Variants in CDHR4 observed in about 807,000 individuals in gnomAD.
CDHR4 encodes the protein cadherin related family member 4, also known as cadherin-related family member 4.
CDHR4 carries 89 observed loss-of-function variants against 88.4 expected under a neutral mutation model. The ratio of observed to expected loss-of-function variants is 1.01; its 90% CI spans 0.85 to 1.20. The LOEUF (loss-of-function observed/expected upper bound fraction) is 1.20, where lower values mean the gene tolerates loss of function less well. Ranked by LOEUF, CDHR4 falls within the 50% of genes most tolerant of loss-of-function variation. The pLI is 0.00. For synonymous variants in CDHR4, 368 were observed against 399.2 expected, an observed-to-expected ratio of 0.92 and a Z score of 0.93; for missense variants, 914 against 1,007.2, an observed-to-expected ratio of 0.91 and a Z score of 1.25.
chr3:49,791,757 G>T lies in CDHR4; in HGVS notation c.2240C>A (p.Pro747Gln). Residue 747 changes from proline to glutamine, a missense_variant, in exon 17 of 19, where the codon CCG (proline) becomes CAG (glutamine). Physicochemically the swap from Pro to Gln is moderately conservative, Grantham distance 76. Transcript: ENST00000412678. ...EGSIEGFLEAPKMEMSQAPSS... is the reference protein window; with the variant it reads ...EGSIEGFLEAQKMEMSQAPSS... ...GGGTGCCTGGGACATCTCCATCTTCGGTGCCTCCAGGAAACCCTCGATGGA... is the reference window on the plus strand; with the variant it reads ...GGGTGCCTGGGACATCTCCATCTTCTGTGCCTCCAGGAAACCCTCGATGGA... 1 of 1,551,646 alleles carries T rather than the reference G, an allele frequency of 6.4e-7. No individual in the cohort carries two copies. The highest frequency in any genetic ancestry group is 8.7e-7 in the Non-Finnish European group (1 of 1,146,976).
chr3:49,798,587 CA>C (rs1204316024), intron 4 of CDHR4: 81,195 of 396,438 alleles, frequency 0.2, 387 homozygotes, highest in Middle Eastern at 0.25. Flanking sequence ...GACTCCGTCT[CA>C]AAAAAAAAAA....
intron 17 of CDHR4, 31 bp downstream of exon 17, chr3:49,791,683 G>A (rs1156976163): frequency 1.9e-6 from 3 of 1,549,878 alleles, no homozygotes; most frequent in East Asian, 2.4e-5. Context: ...CACCCTTGGT[G>A]TCCACTACTT....
rs1483742642 is a variant in CDHR4 at position 49,795,893 on chromosome 3, C to T, written c.710+50G>A. On this transcript the variant is annotated intron_variant, in intron 6 of 18. Transcript: ENST00000412678. The surrounding 1 kb of genome is among the most constrained non-coding windows in gnomAD (Gnocchi z 5.4). ...CAGCAGCCTCACCCTACCTGATTCC[C>T]TGGGGCTAGGCCCTTCCTCCCTCAC... 2 of 1,515,972 alleles carry T rather than the reference C, an allele frequency of 1.3e-6. No individual in the cohort carries two copies. Among genetic ancestry groups the T allele is most frequent in the Non-Finnish European group, 1.8e-6 (2 of 1,127,622 alleles). The allele number at this position is 1,515,972 out of a possible 1,614,324, so 93.9% of individuals were successfully genotyped here. A position where few individuals can be genotyped will look rare whatever the true frequency, so the allele number is the denominator to read the frequency against.
At chr3:49,794,765 G>T in intron 9 of CDHR4, 64 bp from the exon 10 acceptor site, 1 of 1,457,234 alleles carries the variant, frequency 6.9e-7, no homozygotes, top group Non-Finnish European at 9.3e-7. Flanking sequence ...GCCACACGGG[G>T]CTGCTGTAGG....
intron 18 of CDHR4, 54 bp downstream of exon 18, chr3:49,791,387 C>T (rs549222060): frequency 6.6e-7 from 1 of 1,510,874 alleles, no homozygotes; most frequent in African/African-American, 1.4e-5. Context: ...GGAGGAGATA[C>T]TCAGATGGGG....
rs62260717 is a variant in CDHR4, at chr3:49,795,596, A to G, written c.847+32T>C. 101,377 of 1,551,026 alleles carry G rather than the reference A, an allele frequency of 0.065. 3,772 individuals are homozygous for G. The highest frequency in any genetic ancestry group is 0.076 in the Non-Finnish European group (86,754 of 1,146,674). On this transcript the variant is annotated intron_variant, in intron 7 of 18. Coordinates refer to ENST00000412678, the MANE Select transcript of CDHR4 (RefSeq NM_001007540.4). The surrounding 1 kb of genome is among the most constrained non-coding windows in gnomAD (Gnocchi z 5.4). Reference sequence around the variant, plus strand: ...TCTGGACCAGCCACAGAGGCATCCCAGTACCTGCCCCCACCCCCCAACACC... The same window carrying G: ...TCTGGACCAGCCACAGAGGCATCCCGGTACCTGCCCCCACCCCCCAACACC...
chr3:49,798,975 C>T lies in CDHR4; in HGVS notation c.403+19G>A, dbSNP rs549885601. 24 of 1,610,750 alleles carry T rather than the reference C, an allele frequency of 1.5e-5. No homozygotes were observed. Among genetic ancestry groups the T allele is most frequent in the Middle Eastern group, 1.7e-4 (1 of 6,058 alleles). On this transcript the variant is annotated intron_variant, in intron 3 of 18. Coordinates refer to ENST00000412678, the MANE Select transcript of CDHR4 (RefSeq NM_001007540.4). ...CAGGCCATGCCTGCCCCCACCCTGC[C>T]GGCTGCCCCTGGCCTCACCTGGGCT...
Position 49,796,968 on chromosome 3 carries a change from C to G in CDHR4, c.560G>C (p.Gly187Ala). Residue 187 changes from glycine (G) to alanine (A), a missense_variant, in exon 5 of 19, where the codon GGT becomes GCT. Gly to Ala is a moderately conservative substitution (Grantham distance 60, BLOSUM62 0). Transcript: ENST00000412678. ...GCCCTGGGATGGTGCCTGCAGCCAA[C>G]CTTGCTCATTGATGGAGAAAGGTCC... is the stretch of plus-strand genomic sequence containing the variant. ...FPGPFSINEQ[G>A]WLQAPSQGLL... The G allele has an allele frequency of 6.4e-7, 1 of 1,551,732 alleles. No individual in the cohort carries two copies. Among genetic ancestry groups the G allele is most frequent in the Non-Finnish European group, 8.7e-7 (1 of 1,146,996 alleles).
chr3:49,800,962 G>C (rs2081352482), upstream of CDHR4, among the ~76,000 whole-genome samples: 1 of 151,878 alleles, frequency 6.6e-6, no homozygotes, highest in Non-Finnish European at 1.5e-5. Flanking sequence ...TGAGATAGGA[G>C]GGTCACTTGA....
At chr3:49,802,297 A>C (rs1289888137), upstream of CDHR4, among the ~76,000 whole-genome samples, 2 of 151,964 alleles carry the variant, frequency 1.3e-5, no homozygotes, top group East Asian at 3.9e-4. Context: ...CCTCAGCCTC[A>C]GGAGTAGCTG....
At chr3:49,791,318 A>AAGCAG in intron 18 of CDHR4, 123 bp downstream of exon 18, 1 of 1,103,020 alleles carries the variant, frequency 9.1e-7, no homozygotes, top group Non-Finnish European at 1.3e-6. Context: ...TTCAGGAAAA[A>AAGCAG]AGCAGATAGA....
chr3:49,794,024 G>A lies in CDHR4; in HGVS notation c.1280-18C>T. On this transcript the variant is annotated intron_variant, in intron 10 of 18. Transcript: ENST00000412678. ...CACCTCAGCTGGAAGTCATTTGGCAGTCAAGGAGCTGGCCTGGGGTAACTA... is the reference window on the plus strand; with the variant it reads ...CACCTCAGCTGGAAGTCATTTGGCAATCAAGGAGCTGGCCTGGGGTAACTA... The A allele has an allele frequency of 6.5e-7, 1 of 1,550,366 alleles. No individual in the cohort carries two copies. Among genetic ancestry groups the A allele is most frequent in the Non-Finnish European group, 8.7e-7 (1 of 1,146,514 alleles).
At position 49,793,179 on chromosome 3, in the gene CDHR4, A is replaced by C; in HGVS notation, c.1756T>G (p.Ser586Ala). ...IPQEPQRLIY[S>A]YSIVGGNSQN... The stretch of plus-strand genomic sequence containing the variant: ...CCCCTACCTCCCACGATGCTATAGG[A>C]GTAGATCAGGCGCTGTGGCTCCTGA... Residue 586 changes from serine (S) to alanine (A), a missense_variant, in exon 13 of 19, where the codon TCC becomes GCC. Transcript: ENST00000412678. 1 of 1,551,616 alleles carries C rather than the reference A, an allele frequency of 6.4e-7. No homozygotes were observed. The highest frequency in any genetic ancestry group is 1.2e-5 in the South Asian group (1 of 84,060).
Position 49,795,532 on chromosome 3 carries a change from GC to G in CDHR4, c.847+95del. 6.6e-7 allele frequency: 1 copy of G among 1,512,504 alleles called. No individual in the cohort carries two copies. Among genetic ancestry groups the G allele is most frequent in the Non-Finnish European group, 8.9e-7 (1 of 1,123,638 alleles). The allele number at this position is 1,512,504 out of a possible 1,614,324, so 93.7% of individuals were successfully genotyped here. A position where few individuals can be genotyped will look rare whatever the true frequency, so the allele number is the denominator to read the frequency against. Reference sequence around the variant, plus strand: ...CTCCTGCTGCCTTCTCCAAGACCAGGCCCCCAAACAGGAAGGTGAAGAGGTA... The same window carrying G: ...CTCCTGCTGCCTTCTCCAAGACCAGGCCCCAAACAGGAAGGTGAAGAGGTA... On this transcript the variant is annotated intron_variant, in intron 7 of 18. Transcript: ENST00000412678. This position sits in a 1 kb window ranked among gnomAD's most constrained non-coding sequence, Gnocchi z 5.4.
In CDHR4 at chr3:49,799,801, G is replaced by A. The variant is rs1224369803; in HGVS notation, c.12C>T (p.Leu4=). 4 of 1,613,834 alleles carry A rather than the reference G, an allele frequency of 2.5e-6. No individual in the cohort carries two copies. The highest frequency in any genetic ancestry group is 3.4e-6 in the Non-Finnish European group (4 of 1,179,862). The change falls in exon 1 of 19, where the codon CTC becomes CTT. Residue 4 remains leucine (L), a synonymous_variant. Coordinates refer to ENST00000412678, the MANE Select transcript of CDHR4 (RefSeq NM_001007540.4). MVL[L]RLLVFLFAPV... is the part of the protein sequence containing the mutation. ...GAGCAAAGAGGAACACGAGGAGCCT[G>A]AGCAGCACCATGATGACCTGAAGAC...
chr3:49,795,350 G>C lies in CDHR4; in HGVS notation c.877C>G (p.Leu293Val). The C allele has an allele frequency of 1.3e-6, 2 of 1,551,202 alleles. No homozygotes were observed. The highest frequency in any genetic ancestry group is 1.2e-5 in the South Asian group (1 of 84,044). Reference sequence around the variant, plus strand: ...GTGCCTGAGGTGCGAGCTAACTCTAGGGGCGTGGTGGTCCGGACCACACCG... The same window carrying C: ...GTGCCTGAGGTGCGAGCTAACTCTACGGGCGTGGTGGTCCGGACCACACCG... ...ADGVVRTTTPLELARTSGTAV... is the reference protein window; with the variant it reads ...ADGVVRTTTPVELARTSGTAV... The change falls in exon 8 of 19, where the codon CTA becomes GTA. Residue 293 changes from leucine to valine, a missense_variant. Physicochemically the swap from Leu to Val is conservative, Grantham distance 32. Coordinates refer to ENST00000412678, the MANE Select transcript of CDHR4 (RefSeq NM_001007540.4). This position sits in a 1 kb window ranked among gnomAD's most constrained non-coding sequence, Gnocchi z 5.4.
intron 17 of CDHR4, 53 bp from the exon 18 acceptor site, chr3:49,791,521 G>T: frequency 6.5e-7 from 1 of 1,538,398 alleles, no homozygotes; most frequent in South Asian, 1.2e-5. Flanking sequence ...GCCCACAGGG[G>T]AGCAGATGAA....
Position 49,790,868 on chromosome 3 carries a change from C to G in CDHR4, c.2331G>C (p.Leu777=). The G allele has an allele frequency of 6.4e-7, 1 of 1,551,344 alleles. No individual in the cohort carries two copies. Among genetic ancestry groups the G allele is most frequent in the Non-Finnish European group, 8.7e-7 (1 of 1,146,810 alleles). ...GCCGGGCTCCTGTGTGTGTGTTAAA[C>G]AGGTAGTCTCTTCCGGTACCTAAAA... The part of the protein sequence containing the change: ...AQDSRTGRDY[L]FNTHTGARRW... Residue 777 remains leucine (L), a synonymous_variant, in exon 19 of 19, where the codon CTG becomes CTC. Transcript: ENST00000412678.
chr3:49,800,581 G>A (rs929558952), upstream of CDHR4, among the ~76,000 whole-genome samples: 1 of 152,046 alleles, frequency 6.6e-6, no homozygotes, highest in Admixed American at 6.6e-5. Flanking sequence ...AATCCTTTAT[G>A]ATAGAAATAC....
Sources: allele counts gnomAD v4.1 joint callset (sites outside exome capture counted in the v4.1 genomes callset), GRCh38; gene constraint gnomAD v4.1.1; non-coding constraint Gnocchi (gnomAD v3.1); transcripts MANE v1.5; gene names NCBI Gene and HGNC (gene_info 2026-07-23, HGNC 2026-07-21).